The following TMEM132C variants were observed in gnomAD, a reference collection of about 807,000 sequenced individuals.
TMEM132C encodes the protein transmembrane protein 132C, also known as protein phosphatase 1, regulatory subunit 152.
A neutral mutation model predicts 61.4 loss-of-function variants in TMEM132C; 29 were observed. The observed-to-expected ratio is 0.47, with a 90% CI of 0.35 to 0.64. The LOEUF (loss-of-function observed/expected upper bound fraction) is 0.64. TMEM132C is among the 30% of genes least tolerant of loss of function. TMEM132C has a pLI of 0.00. For synonymous variants in TMEM132C, 656 were observed against 633.1 expected, an observed-to-expected ratio of 1.04 and a Z score of -0.54; for missense variants, 1,408 against 1,476.9, an observed-to-expected ratio of 0.95 and a Z score of 0.76.
intron 1 of TMEM132C, among the ~76,000 whole-genome samples, chr12:128,361,428 G>T (rs1434211903): frequency 6.6e-6 from 1 of 152,154 alleles, no homozygotes; most frequent in African/African-American, 2.4e-5. Context: ...GCACCAACGA[G>T]ATCAGAAGTG....
chr12:128,572,620 C>G (rs1453359279), intron 3 of TMEM132C, among the ~76,000 whole-genome samples: 1 of 151,056 alleles, frequency 6.6e-6, no homozygotes. Flanking sequence ...GGTCACATGA[C>G]AAGTTGTGGC....
At chr12:128,383,646 C>G (rs2135993245) in intron 1 of TMEM132C, among the ~76,000 whole-genome samples, 1 of 152,304 alleles carries the variant, frequency 6.6e-6, no homozygotes, top group Non-Finnish European at 1.5e-5. Context: ...TTTCCCCTTC[C>G]CCAGTCCTTG....
At chr12:128,535,158 C>T (rs1015409284) in intron 2 of TMEM132C, among the ~76,000 whole-genome samples, 1 of 152,110 alleles carries the variant, frequency 6.6e-6, no homozygotes, top group African/African-American at 2.4e-5. Flanking sequence ...TTCAGAGTAG[C>T]ACGTGTATTT....
chr12:128,491,265 G>A (rs1287510832), intron 2 of TMEM132C, among the ~76,000 whole-genome samples: 1 of 152,308 alleles, frequency 6.6e-6, no homozygotes, highest in East Asian at 1.9e-4. Flanking sequence ...TTGCTGCCTG[G>A]AGCCTCCATT....
chr12:128,621,247 A>G (rs1044238849), intron 4 of TMEM132C, among the ~76,000 whole-genome samples: 2 of 152,190 alleles, frequency 1.3e-5, no homozygotes, highest in African/African-American at 4.8e-5. Context: ...CCAAGAAAGC[A>G]GGTTGAAGTC....
chr12:128,306,416 A>C (rs1008903937), intron 1 of TMEM132C, among the ~76,000 whole-genome samples: 1 of 151,836 alleles, frequency 6.6e-6, no homozygotes, highest in East Asian at 1.9e-4. Flanking sequence ...GTTAGCCAGG[A>C]TGGTCTCGAT....
chr12:128,457,469 G>A lies in TMEM132C; in HGVS notation c.974+41849G>A, dbSNP rs540047957. 2.4e-4 allele frequency among the ~76,000 whole-genome samples: 37 copies of A among 151,698 alleles called. No homozygotes were observed. In the South Asian group the frequency reaches 5.6e-3, roughly 23 times the overall value. ...CGGGCACCTGTAGTCCCAGCTACTC[G>A]GGAGGCTGAGGCAGGAGAATGGCAT... On this transcript the variant is annotated intron_variant, in intron 2 of 8. Transcript: ENST00000435159.
chr12:128,366,320 T>C (rs1271398698), intron 1 of TMEM132C, among the ~76,000 whole-genome samples: 2 of 152,222 alleles, frequency 1.3e-5, no homozygotes, highest in African/African-American at 4.8e-5. Context: ...TTCAGACTGT[T>C]AGTGCCATTT....
Position 128,338,632 on chromosome 12 carries a change from G to C in TMEM132C, c.85+71145G>C, listed in dbSNP as rs140535241. Among the ~76,000 whole-genome samples, 130 of 152,030 alleles carry C rather than the reference G, an allele frequency of 8.6e-4. 1 individual carries two copies. Among genetic ancestry groups the C allele is most frequent in the African/African-American group, 2.7e-3 (113 of 41,364 alleles). ...AGCTGGAAAAAGTTCTCCAAAGCAA[G>C]AGTTCTCAGCGGGCCCCCTCCCACT... On this transcript the variant is annotated intron_variant, in intron 1 of 8. Coordinates refer to ENST00000435159, the MANE Select transcript of TMEM132C (RefSeq NM_001136103.3).
chr12:128,274,004 A>G (rs1384057645), intron 1 of TMEM132C, among the ~76,000 whole-genome samples: 1 of 152,176 alleles, frequency 6.6e-6, no homozygotes, highest in African/African-American at 2.4e-5. Flanking sequence ...TCTCTTCAAG[A>G]TGTTATTCTC....
chr12:128,699,023 G>A (rs981175846), intron 8 of TMEM132C, among the ~76,000 whole-genome samples: 1 of 152,162 alleles, frequency 6.6e-6, no homozygotes, highest in African/African-American at 2.4e-5. Context: ...TTCTTCTAGG[G>A]GGGATTGGAA....
At chr12:128,363,722 G>A (rs1873774774) in intron 1 of TMEM132C, among the ~76,000 whole-genome samples, 1 of 151,942 alleles carries the variant, frequency 6.6e-6, no homozygotes, top group African/African-American at 2.4e-5. Flanking sequence ...GCACATGCCT[G>A]TAGTCCCAGC....
chr12:128,460,910 C>T (rs1263100422), intron 2 of TMEM132C, among the ~76,000 whole-genome samples: 1 of 152,102 alleles, frequency 6.6e-6, no homozygotes, highest in Non-Finnish European at 1.5e-5. Context: ...CCAGAGGCAG[C>T]CCCCAGCTAC....
At chr12:128,435,050 G>A (rs1869533789) in intron 2 of TMEM132C, among the ~76,000 whole-genome samples, 1 of 152,070 alleles carries the variant, frequency 6.6e-6, no homozygotes. Context: ...AGTCATTGCA[G>A]ATGTCATTAG....
At position 128,410,877 on chromosome 12, in the gene TMEM132C, G is replaced by T. The variant is rs556533361; in HGVS notation, c.86-3855G>T. On this transcript the variant is annotated intron_variant, in intron 1 of 8. Coordinates refer to ENST00000435159, the MANE Select transcript of TMEM132C (RefSeq NM_001136103.3). ...AGGAAAATAAAATTTCTAATCATGT[G>T]TTGCCTTCAGTTTTGTGTACCTTTA... 1.1e-4 allele frequency among the ~76,000 whole-genome samples: 17 copies of T among 152,244 alleles called. No individual in the cohort carries two copies. The South Asian group carries it at 3.3e-3, about 30-fold the overall frequency.
rs76741401 is a variant in TMEM132C, at chr12:128,499,554, C to T, written c.975-44403C>T. Among the ~76,000 whole-genome samples the T allele has an allele frequency of 1.0e-3, 155 of 152,302 alleles. 1 individual carries two copies. Among genetic ancestry groups the T allele is most frequent in the African/African-American group, 3.5e-3 (147 of 41,556 alleles). On this transcript the variant is annotated intron_variant, in intron 2 of 8. Transcript: ENST00000435159. ...ACCCATTAACCCTCTCCCGACTACC[C>T]TTCTTAGCCTCTGACAACCATCGTT...
chr12:128,571,186 TC>T (rs1874868801), intron 3 of TMEM132C, among the ~76,000 whole-genome samples: 1 of 152,188 alleles, frequency 6.6e-6, no homozygotes, highest in Non-Finnish European at 1.5e-5. Flanking sequence ...TTGGAAACTC[TC>T]TGTGTCCTTG....
chr12:128,705,355 G>C lies in TMEM132C; in HGVS notation c.2387G>C (p.Arg796Thr). ...SILAVGVGNV[R>T]VKFGQNDADS... is the part of the protein sequence containing the mutation. Reference sequence around the variant, plus strand: ...CTGGCTGTGGGCGTCGGCAACGTCAGGGTCAAGTTCGGACAGAACGATGCT... The same window carrying C: ...CTGGCTGTGGGCGTCGGCAACGTCACGGTCAAGTTCGGACAGAACGATGCT... The change falls in exon 9 of 9, where the codon AGG becomes ACG. Residue 796 changes from arginine to threonine, a missense_variant. Transcript: ENST00000435159. The C allele has an allele frequency of 6.4e-7, 1 of 1,551,494 alleles. No homozygotes were observed.
chr12:128,593,200 C>T (rs1294431930), intron 3 of TMEM132C, among the ~76,000 whole-genome samples: 2 of 149,162 alleles, frequency 1.3e-5, no homozygotes, highest in Non-Finnish European at 3.0e-5. Context: ...CACCTTCCTT[C>T]TTTCTTTTCT....
Sources: allele counts gnomAD v4.1 joint callset (sites outside exome capture counted in the v4.1 genomes callset), GRCh38; gene constraint gnomAD v4.1.1; transcripts MANE v1.5; gene names NCBI Gene and HGNC (gene_info 2026-07-23, HGNC 2026-07-21).